Variants in ARID1B observed in about 807,000 individuals in gnomAD.
ARID1B encodes AT-rich interactive domain-containing protein 1B.
In ARID1B, 30 loss-of-function variants were observed where a neutral mutation model predicts 212.3. The observed-to-expected ratio is 0.14, with a 90% CI of 0.11 to 0.19. The LOEUF (loss-of-function observed/expected upper bound fraction) is 0.19. Among genes scored for constraint, ARID1B ranks in the 10% least tolerant of loss-of-function variants. The pLI is 1.00. For missense variants in ARID1B, 2,891 were observed against 3,204.0 expected, an observed-to-expected ratio of 0.90 and a Z score of 2.36; for synonymous variants, 1,402 against 1,301.7, an observed-to-expected ratio of 1.08 and a Z score of -1.66.
intron 6 of ARID1B, among the ~76,000 whole-genome samples, chr6:157,122,816 T>C (rs762160455): frequency 2.0e-5 from 3 of 152,086 alleles, no homozygotes; most frequent in Admixed American, 6.5e-5. Context: ...GTAGCTGGGA[T>C]TACAGGTGTG....
intron 1 of ARID1B, among the ~76,000 whole-genome samples, chr6:156,819,820 G>A (rs894712251): frequency 7.9e-5 from 12 of 152,306 alleles, no homozygotes; most frequent in Middle Eastern, 3.4e-3. Context: ...TGACGTTGGA[G>A]CTGAGTTCTG....
Position 156,930,006 on chromosome 6 carries a change from A to T in ARID1B, c.2137-5460A>T, listed in dbSNP as rs368424424. Among the ~76,000 whole-genome samples, 440 of 152,120 alleles carry T rather than the reference A, an allele frequency of 2.9e-3. 2 individuals carry two copies. Among genetic ancestry groups the T allele is most frequent in the African/African-American group, 0.01 (422 of 41,484 alleles). On this transcript the variant is annotated intron_variant, in intron 3 of 19. Coordinates refer to ENST00000636930, the MANE Select transcript of ARID1B (RefSeq NM_001374828.1). ...ATGATGTAGTTTGACACCTGGAGTAAGTTTTGTTCTATTCCAGAATGATGG... is the reference window on the plus strand; with the variant it reads ...ATGATGTAGTTTGACACCTGGAGTATGTTTTGTTCTATTCCAGAATGATGG...
At chr6:157,164,431 G>A (rs1343147199) in intron 8 of ARID1B, among the ~76,000 whole-genome samples, 19 of 152,152 alleles carry the variant, frequency 1.2e-4, no homozygotes, top group Admixed American at 1.2e-3. Context: ...CATTTGCCTG[G>A]TGGATTTTCT....
chr6:157,152,110 G>A (rs189567358), intron 8 of ARID1B: 4 of 152,324 alleles, frequency 2.6e-5, no homozygotes, highest in African/African-American at 9.6e-5. Flanking sequence ...TCAGTAGGAA[G>A]ATAACAGTCG....
intron 3 of ARID1B, among the ~76,000 whole-genome samples, chr6:156,911,141 G>C (rs928490930): frequency 1.3e-5 from 2 of 152,172 alleles, no homozygotes; most frequent in Non-Finnish European, 2.9e-5. Context: ...TCTCCAGCAG[G>C]GTTGTCAGTG....
chr6:156,946,785 A>G (rs1793188130), intron 4 of ARID1B, among the ~76,000 whole-genome samples: 1 of 152,230 alleles, frequency 6.6e-6, no homozygotes, highest in African/African-American at 2.4e-5. Context: ...TGACAAACAC[A>G]GGGAAACGGT....
chr6:157,032,225 T>G lies in ARID1B; in HGVS notation c.2248-52437T>G, dbSNP rs537033973. ...AAATGTCAAATTTTTTGTTTTTAAT[T>G]TCTTTACATTAACACAGTTATGAGC... On this transcript the variant is annotated intron_variant, in intron 4 of 19. Transcript: ENST00000636930. Among the ~76,000 whole-genome samples, 9 of 152,394 alleles carry G rather than the reference T, an allele frequency of 5.9e-5. No individual in the cohort carries two copies. In the South Asian group the frequency reaches 8.3e-4, roughly 14 times the overall value.
intron 3 of ARID1B, among the ~76,000 whole-genome samples, chr6:156,922,420 G>T (rs866239434): frequency 1.3e-5 from 2 of 152,116 alleles, no homozygotes; most frequent in Admixed American, 1.3e-4. Flanking sequence ...TGATCCGCCC[G>T]CCTCGGCCTC....
At chr6:156,917,026 G>T in intron 3 of ARID1B, among the ~76,000 whole-genome samples, 1 of 152,112 alleles carries the variant, frequency 6.6e-6, no homozygotes, top group East Asian at 1.9e-4. Flanking sequence ...GCACAACCCT[G>T]TCTGTTTTCA....
chr6:157,163,446 G>C (rs1192072713), intron 8 of ARID1B, among the ~76,000 whole-genome samples: 1 of 152,186 alleles, frequency 6.6e-6, no homozygotes, highest in Non-Finnish European at 1.5e-5. Flanking sequence ...CCTTCTTTTG[G>C]TATCAGGCCC....
intron 6 of ARID1B, among the ~76,000 whole-genome samples, chr6:157,125,919 C>T (rs1321696053): frequency 1.3e-5 from 2 of 152,152 alleles, no homozygotes; most frequent in East Asian, 3.8e-4. Flanking sequence ...CATTATTTTT[C>T]CCTATTGATA....
intron 4 of ARID1B, among the ~76,000 whole-genome samples, chr6:157,066,874 G>GT (rs150348789): frequency 1.3e-4 from 20 of 150,934 alleles, no homozygotes; most frequent in Admixed American, 8.6e-4. Flanking sequence ...TCTCTGGCTT[G>GT]TTTTTTTTTC....
At chr6:157,180,374 A>C (rs1156498950) in intron 11 of ARID1B, among the ~76,000 whole-genome samples, 5 of 149,342 alleles carry the variant, frequency 3.3e-5, no homozygotes, top group Admixed American at 2.0e-4. Context: ...TATCTAAAAA[A>C]AAAAAACAAA....
chr6:156,842,239 A>G (rs1783951346), intron 2 of ARID1B, among the ~76,000 whole-genome samples: 4 of 152,164 alleles, frequency 2.6e-5, no homozygotes, highest in African/African-American at 9.7e-5. Context: ...CCACCCCCAG[A>G]TGAGACCCCT....
chr6:157,159,199 A>C (rs112555727), intron 8 of ARID1B, among the ~76,000 whole-genome samples: 1 of 152,248 alleles, frequency 6.6e-6, no homozygotes, highest in African/African-American at 2.4e-5. Context: ...ATTGAGGTTC[A>C]TTTTTGTATG....
rs909350791 is a variant in ARID1B, at chr6:157,094,761, C to A, written c.2491+9856C>A. On this transcript the variant is annotated intron_variant, in intron 5 of 19. Transcript: ENST00000636930. This position sits in a 1 kb window ranked among gnomAD's most constrained non-coding sequence, Gnocchi z 4.3. ...AGGCTCACTGTGGCTGCTAAGTGGACAGTATACTGTAGGGGAAGGTGGGAG... is the reference window on the plus strand; with the variant it reads ...AGGCTCACTGTGGCTGCTAAGTGGAAAGTATACTGTAGGGGAAGGTGGGAG... Among the ~76,000 whole-genome samples, 1 of 152,094 alleles carries A rather than the reference C, an allele frequency of 6.6e-6. No individual in the cohort carries two copies. The highest frequency in any genetic ancestry group is 2.4e-5 in the African/African-American group (1 of 41,410).
intron 9 of ARID1B, chr6:157,173,132 C>G (rs1791839207): frequency 6.6e-6 from 1 of 152,240 alleles, no homozygotes; most frequent in African/African-American, 2.4e-5. Flanking sequence ...ACACTGATTC[C>G]TTACTCTAGT....
intron 2 of ARID1B, among the ~76,000 whole-genome samples, chr6:156,897,212 GCTGCTGCTTCTTCTT>G (rs1330698179): frequency 2.9e-5 from 2 of 70,010 alleles, no homozygotes; most frequent in African/African-American, 9.3e-5. Context: ...TGCTGCTGCT[GCTGCTGCTTCTTCTT>G]CTTCTTCTTC....
At position 157,206,557 on chromosome 6, in the gene ARID1B, T is replaced by C. The variant is rs1583513848; in HGVS notation, c.5785T>C (p.Leu1929=). The change falls in exon 20 of 20, where the codon TTG becomes CTG. Residue 1929 remains leucine, a synonymous_variant. Coordinates refer to ENST00000636930, the MANE Select transcript of ARID1B (RefSeq NM_001374828.1). This position sits in a 1 kb window ranked among gnomAD's most constrained non-coding sequence, Gnocchi z 6.8. The part of the protein sequence containing the change: ...NLFVVDRSDK[L]GRVQEFNSGL... ...GTTTGTTGTTGACCGATCTGACAAGTTGGGGCGTGTGCAGGAGTTCAATAG... is the reference window on the plus strand; with the variant it reads ...GTTTGTTGTTGACCGATCTGACAAGCTGGGGCGTGTGCAGGAGTTCAATAG... The C allele has an allele frequency of 1.2e-6, 2 of 1,613,890 alleles. No homozygotes were observed. Among genetic ancestry groups the C allele is most frequent in the South Asian group, 2.2e-5 (2 of 91,038 alleles).
Sources: gnomAD v4.1 joint callset for allele counts (sites outside exome capture counted in the v4.1 genomes callset) on GRCh38, gnomAD v4.1.1 for gene constraint, Gnocchi (gnomAD v3.1) non-coding constraint, MANE v1.5 for transcripts, NCBI Gene and HGNC (gene_info 2026-07-23, HGNC 2026-07-21) for gene names.